PAK4: variants seen among roughly 807,000 people sequenced by gnomAD.
The protein encoded by PAK4 is serine/threonine-protein kinase PAK 4.
In PAK4, 49 loss-of-function variants were observed where a neutral mutation model predicts 53.5. The ratio of observed to expected loss-of-function variants is 0.92; its 90% CI spans 0.73 to 1.16. The LOEUF is 1.16. Among genes scored for constraint, PAK4 ranks in the 50% most tolerant of loss-of-function variants. PAK4 has a pLI of 0.00. For synonymous variants in PAK4, 376 were observed against 375.6 expected (o/e 1.00, Z -0.01); for missense variants, 824 against 850.7 (o/e 0.97, Z 0.39).
At chr19:39,157,188 T>G (rs1042860889) in intron 1 of PAK4, among the ~76,000 whole-genome samples, 1 of 151,200 alleles carries the variant, frequency 6.6e-6, no homozygotes, top group Admixed American at 6.6e-5. Context: ...TCCATGGAGG[T>G]CTCCTTGCCT....
At position 39,139,108 on chromosome 19, in the gene PAK4, C is replaced by T. The variant is rs945421056; in HGVS notation, c.-23+13189C>T. Among the ~76,000 whole-genome samples the T allele has an allele frequency of 2.6e-5, 4 of 152,324 alleles. No individual in the cohort carries two copies. The South Asian group carries it at 6.2e-4, about 24-fold the overall frequency. On this transcript the variant is annotated intron_variant, in intron 1 of 8. Coordinates refer to ENST00000358301, the Ensembl canonical transcript of PAK4. Reference sequence around the variant, plus strand: ...TGTCCCTCCAGCAGCTTTGGCAGGGCCCGTCCCTCCCCACTTTCCTGCAGC... The same window carrying T: ...TGTCCCTCCAGCAGCTTTGGCAGGGTCCGTCCCTCCCCACTTTCCTGCAGC...
At chr19:39,141,870 A>G (rs1053621966) in intron 1 of PAK4, among the ~76,000 whole-genome samples, 1 of 151,636 alleles carries the variant, frequency 6.6e-6, no homozygotes, top group Non-Finnish European at 1.5e-5. Context: ...CAAGTGATCC[A>G]CCCGCCTCGG....
chr19:39,177,744 C>A, exon 8 of PAK4: 1 of 1,613,560 alleles, frequency 6.2e-7, no homozygotes, highest in South Asian at 1.1e-5. Flanking sequence ...CTTCAACGAG[C>A]CACCCCTCAA....
intron 1 of PAK4, among the ~76,000 whole-genome samples, chr19:39,145,718 T>G (rs1227693463): frequency 6.6e-6 from 1 of 152,162 alleles, no homozygotes; most frequent in Non-Finnish European, 1.5e-5. Flanking sequence ...GGAGGGGCCT[T>G]CTCTGGAGGA....
Position 39,175,536 on chromosome 19 carries a change from C to G in PAK4, c.1359+98C>G. Reference sequence around the variant, plus strand: ...CCTGTGAGGGTAGGTGAGCTCTGACCCCCAGGTCTGTGTCTTGAGGAGCTG... The same window carrying G: ...CCTGTGAGGGTAGGTGAGCTCTGACGCCCAGGTCTGTGTCTTGAGGAGCTG... On this transcript the variant is annotated intron_variant, in intron 6 of 8. Coordinates refer to ENST00000358301, the Ensembl canonical transcript of PAK4. This position sits in a 1 kb window ranked among gnomAD's most constrained non-coding sequence, Gnocchi z 4.7. 1 of 1,304,160 alleles carries G rather than the reference C, an allele frequency of 7.7e-7. No homozygotes were observed. The highest frequency in any genetic ancestry group is 1.5e-5 in the African/African-American group (1 of 68,428). 80.8% of individuals were successfully genotyped at this position (1,304,160 alleles called of 1,614,324 possible). A position where few individuals can be genotyped will look rare whatever the true frequency, so the allele number is the denominator to read the frequency against.
chr19:39,130,888 G>A (rs1367331117), intron 1 of PAK4, among the ~76,000 whole-genome samples: 1 of 150,978 alleles, frequency 6.6e-6, no homozygotes, highest in African/African-American at 2.4e-5. Flanking sequence ...CGGATCGCGG[G>A]GGGTGGCGAC....
intron 1 of PAK4, among the ~76,000 whole-genome samples, chr19:39,169,247 CA>C (rs1184178022): frequency 4.0e-5 from 6 of 150,704 alleles, no homozygotes; most frequent in Middle Eastern, 6.9e-3. Context: ...CTGAGGTCTC[CA>C]GGGGGGGTGA....
chr19:39,143,508 G>T (rs546990609), intron 1 of PAK4, among the ~76,000 whole-genome samples: 321 of 140,118 alleles, frequency 2.3e-3, no homozygotes, highest in Non-Finnish European at 3.0e-3. Context: ...CAGGAGAATC[G>T]CTGGAACCCA....
chr19:39,153,680 G>A (rs1192736499), intron 1 of PAK4, among the ~76,000 whole-genome samples: 2 of 152,114 alleles, frequency 1.3e-5, no homozygotes, highest in Non-Finnish European at 2.9e-5. Context: ...GACCTCAGGC[G>A]ATCCACTCGC....
intron 1 of PAK4, among the ~76,000 whole-genome samples, chr19:39,143,386 T>G (rs1386098185): frequency 7.0e-6 from 1 of 143,874 alleles, no homozygotes; most frequent in Non-Finnish European, 1.5e-5. Flanking sequence ...AGGTCAGGAG[T>G]TCGAGACGAG....
chr19:39,170,531 C>T (rs1047908861), intron 2 of PAK4, among the ~76,000 whole-genome samples: 2 of 152,190 alleles, frequency 1.3e-5, no homozygotes, highest in African/African-American at 4.8e-5. Context: ...TGGCCTGAGC[C>T]CGTGCTGGGC....
At chr19:39,170,196 C>A (rs896311453) in intron 2 of PAK4, among the ~76,000 whole-genome samples, 1 of 152,064 alleles carries the variant, frequency 6.6e-6, no homozygotes, top group African/African-American at 2.4e-5. Context: ...GGAGGAGGCA[C>A]CTGACACAGA....
chr19:39,135,869 C>T (rs1384116937), intron 1 of PAK4, among the ~76,000 whole-genome samples: 1 of 151,678 alleles, frequency 6.6e-6, no homozygotes, highest in Non-Finnish European at 1.5e-5. Context: ...TTCTCCAAAT[C>T]TGGCACCCTA....
At position 39,142,598 on chromosome 19, in the gene PAK4, C is replaced by T. The variant is rs569372374; in HGVS notation, c.-23+16679C>T. ...GCCTGGGAGCAATAGGCTGGGTGCC[C>T]CGGCTTCAAGTAAACCAGTGGCATT... On this transcript the variant is annotated intron_variant, in intron 1 of 8. Transcript: ENST00000358301. Among the ~76,000 whole-genome samples the T allele has an allele frequency of 2.0e-5, 3 of 152,250 alleles. No individual in the cohort carries two copies. The South Asian group carries it at 6.2e-4, about 32-fold the overall frequency.
At chr19:39,171,473 A>C (rs966636885) in intron 2 of PAK4, among the ~76,000 whole-genome samples, 1 of 152,150 alleles carries the variant, frequency 6.6e-6, no homozygotes, top group Non-Finnish European at 1.5e-5. Flanking sequence ...AGGTGCTGGG[A>C]TTATAGGCGT....
At chr19:39,147,884 T>G (rs558194653) in intron 1 of PAK4, among the ~76,000 whole-genome samples, 12 of 146,144 alleles carry the variant, frequency 8.2e-5, no homozygotes, top group African/African-American at 2.9e-4. Context: ...GTTTTGAGTT[T>G]TCACTGTTGT....
At chr19:39,139,809 G>A (rs1439998334) in intron 1 of PAK4, among the ~76,000 whole-genome samples, 1 of 152,246 alleles carries the variant, frequency 6.6e-6, no homozygotes, top group Non-Finnish European at 1.5e-5. Context: ...CAGCTGTGGG[G>A]TCTGGGCCTT....
chr19:39,138,947 G>T (rs1345469183), intron 1 of PAK4, among the ~76,000 whole-genome samples: 1 of 152,128 alleles, frequency 6.6e-6, no homozygotes, highest in Non-Finnish European at 1.5e-5. Context: ...CCTCCAGTGG[G>T]TCAGTGGGGG....
intron 1 of PAK4, among the ~76,000 whole-genome samples, chr19:39,128,599 C>G (rs1839836445): frequency 6.6e-6 from 1 of 152,218 alleles, no homozygotes; most frequent in African/African-American, 2.4e-5. Flanking sequence ...TCCTTCAACA[C>G]GTTTGGCTAG....
Sources: gnomAD v4.1 joint callset for allele counts (sites outside exome capture counted in the v4.1 genomes callset) on GRCh38, gnomAD v4.1.1 for gene constraint, Gnocchi (gnomAD v3.1) non-coding constraint, MANE v1.5 for transcripts, NCBI Gene and HGNC (gene_info 2026-07-23, HGNC 2026-07-21) for gene names.